The following NKAIN2 variants were observed in gnomAD, a reference collection of about 807,000 sequenced individuals.
NKAIN2 encodes sodium/potassium-transporting ATPase subunit beta-1-interacting protein 2.
Under a neutral mutation model 32.6 loss-of-function variants are expected in NKAIN2, and 14 were observed. The ratio of observed to expected loss-of-function variants is 0.43; its 90% CI spans 0.28 to 0.67. The LOEUF is 0.67. Ranked by LOEUF, NKAIN2 falls within the 30% of genes least tolerant of loss-of-function variation. NKAIN2 has a pLI of 0.17. For synonymous variants in NKAIN2, 80 were observed against 87.2 expected (o/e 0.92, Z 0.46); for missense variants, 198 against 258.3 (o/e 0.77, Z 1.60).
intron 1 of NKAIN2, among the ~76,000 whole-genome samples, chr6:123,938,623 T>G (rs1776674977): frequency 7.0e-6 from 1 of 142,152 alleles, no homozygotes; most frequent in African/African-American, 2.5e-5. Flanking sequence ...ATATTATATA[T>G]ATTTTATATA....
intron 1 of NKAIN2, among the ~76,000 whole-genome samples, chr6:123,868,992 TC>T (rs1409833380): frequency 6.6e-6 from 1 of 152,194 alleles, no homozygotes; most frequent in Non-Finnish European, 1.5e-5. Context: ...AATTTTCATG[TC>T]CCAAATAAAG....
chr6:123,897,463 C>A lies in NKAIN2; in HGVS notation c.54+93209C>A, dbSNP rs1774340549. On this transcript the variant is annotated intron_variant, in intron 1 of 6. Coordinates refer to ENST00000368417, the MANE Select transcript of NKAIN2 (RefSeq NM_001040214.3). ...TTATTAAGTCTTTCCATCTGTTTTT[C>A]AGGGCTGCTATGACTCTTTATTCAC... Among the ~76,000 whole-genome samples the A allele has an allele frequency of 2.0e-5, 3 of 152,068 alleles. No homozygotes were observed. The South Asian group carries it at 6.2e-4, about 32-fold the overall frequency.
At chr6:124,306,643 C>T (rs147763951) in intron 2 of NKAIN2, among the ~76,000 whole-genome samples, 2 of 152,140 alleles carry the variant, frequency 1.3e-5, no homozygotes, top group Middle Eastern at 3.4e-3. Flanking sequence ...CACTCTAATA[C>T]CCAGCTAAGA....
At chr6:124,097,602 T>C (rs761566749) in intron 1 of NKAIN2, among the ~76,000 whole-genome samples, 4 of 152,144 alleles carry the variant, frequency 2.6e-5, no homozygotes, top group African/African-American at 4.8e-5. Flanking sequence ...CTACATGCAA[T>C]TGGCAAGTAT....
intron 3 of NKAIN2, among the ~76,000 whole-genome samples, chr6:124,582,278 T>C (rs1472331967): frequency 6.6e-6 from 1 of 152,190 alleles, no homozygotes; most frequent in African/African-American, 2.4e-5. Flanking sequence ...ATCCTTTGAA[T>C]TTTTGTGATA....
chr6:124,345,632 G>A (rs1313325623), intron 2 of NKAIN2, among the ~76,000 whole-genome samples: 2 of 151,662 alleles, frequency 1.3e-5, no homozygotes, highest in African/African-American at 4.8e-5. Context: ...AGAGGTGTTT[G>A]TAGTATTCTC....
intron 1 of NKAIN2, among the ~76,000 whole-genome samples, chr6:123,954,754 C>T (rs747870258): frequency 1.1e-4 from 16 of 152,174 alleles, no homozygotes; most frequent in African/African-American, 3.1e-4. Context: ...CAGATCCTTT[C>T]TCTGGCTTGT....
chr6:124,650,798 G>A (rs1172316384), intron 3 of NKAIN2, among the ~76,000 whole-genome samples: 1 of 152,114 alleles, frequency 6.6e-6, no homozygotes. Flanking sequence ...CAGAATCTAT[G>A]TTCACCTCAC....
At chr6:124,182,680 T>G (rs1270327674) in intron 1 of NKAIN2, among the ~76,000 whole-genome samples, 1 of 152,198 alleles carries the variant, frequency 6.6e-6, no homozygotes, top group East Asian at 1.9e-4. Flanking sequence ...CCTGTCTATA[T>G]CCATATATTA....
intron 1 of NKAIN2, among the ~76,000 whole-genome samples, chr6:124,244,952 A>T (rs1479341226): frequency 6.6e-6 from 1 of 152,016 alleles, no homozygotes; most frequent in Non-Finnish European, 1.5e-5. Context: ...TTTGCTCAGT[A>T]TTTTTTAATC....
intron 2 of NKAIN2, among the ~76,000 whole-genome samples, chr6:124,350,994 A>G (rs1347020186): frequency 1.3e-5 from 2 of 152,206 alleles, no homozygotes; most frequent in Non-Finnish European, 1.5e-5. Context: ...TTCTCTAAAA[A>G]GTAAATAAAT....
intron 1 of NKAIN2, among the ~76,000 whole-genome samples, chr6:123,805,866 C>T (rs943939841): frequency 6.6e-6 from 1 of 151,886 alleles, no homozygotes; most frequent in African/African-American, 2.4e-5. Flanking sequence ...ATGCTCTTTT[C>T]GATTTAAAAT....
At chr6:124,079,849 C>T (rs1783870290) in intron 1 of NKAIN2, among the ~76,000 whole-genome samples, 1 of 151,750 alleles carries the variant, frequency 6.6e-6, no homozygotes, top group Admixed American at 6.6e-5. Context: ...GGAAACCTGC[C>T]TTTCTTGTGT....
At chr6:124,390,426 C>T in intron 3 of NKAIN2, among the ~76,000 whole-genome samples, 1 of 152,064 alleles carries the variant, frequency 6.6e-6, no homozygotes, top group East Asian at 1.9e-4. Context: ...ATAACGTTAA[C>T]CAGTAGAAAA....
intron 1 of NKAIN2, among the ~76,000 whole-genome samples, chr6:124,079,231 T>C (rs1783838280): frequency 6.6e-6 from 1 of 152,078 alleles, no homozygotes; most frequent in Non-Finnish European, 1.5e-5. Context: ...GGCATGAGAA[T>C]TGCTTGAACC....
intron 2 of NKAIN2, among the ~76,000 whole-genome samples, chr6:124,342,596 C>T (rs1255231938): frequency 6.6e-6 from 1 of 151,810 alleles, no homozygotes; most frequent in Non-Finnish European, 1.5e-5. Context: ...CAACCTCCAA[C>T]TCCAGGGTTC....
At position 123,844,249 on chromosome 6, in the gene NKAIN2, C is replaced by T. The variant is rs539232253; in HGVS notation, c.54+39995C>T. ...AGTTAGATAAGTGTTGGGAGGAAAG[C>T]GATTCTGGCAGAGGGAACCAGACGT... On this transcript the variant is annotated intron_variant, in intron 1 of 6. Coordinates refer to ENST00000368417, the MANE Select transcript of NKAIN2 (RefSeq NM_001040214.3). Among the ~76,000 whole-genome samples the T allele has an allele frequency of 5.3e-5, 8 of 152,206 alleles. No homozygotes were observed. The South Asian group carries it at 1.7e-3, about 32-fold the overall frequency.
intron 3 of NKAIN2, among the ~76,000 whole-genome samples, chr6:124,533,420 C>T (rs1055594875): frequency 2.2e-5 from 3 of 134,202 alleles, no homozygotes; most frequent in Admixed American, 8.3e-5. Flanking sequence ...AGCAGTGAGC[C>T]GAGATTGCAC....
intron 3 of NKAIN2, among the ~76,000 whole-genome samples, chr6:124,562,904 C>CTTTT (rs34572745): frequency 1.5e-5 from 2 of 131,198 alleles, no homozygotes; most frequent in African/African-American, 2.8e-5. Context: ...TTTTTTGTTT[C>CTTTT]TTTTTTTTTT....
Sources: gnomAD v4.1 joint callset for allele counts (sites outside exome capture counted in the v4.1 genomes callset) on GRCh38, gnomAD v4.1.1 for gene constraint, MANE v1.5 for transcripts, NCBI Gene and HGNC (gene_info 2026-07-23, HGNC 2026-07-21) for gene names.